Variants in ROBO2 observed in about 807,000 individuals in gnomAD.
ROBO2 encodes roundabout guidance receptor 2.
Under a neutral mutation model 160.8 loss-of-function variants are expected in ROBO2, and 53 were observed. The ratio of observed to expected loss-of-function variants is 0.33; its 90% CI spans 0.26 to 0.41. The LOEUF is 0.41. Among genes scored for constraint, ROBO2 ranks in the 10% least tolerant of loss-of-function variants. The pLI, the probability that ROBO2 is intolerant of heterozygous loss-of-function variation, is 1.00. For missense variants in ROBO2, 1,577 were observed against 1,722.4 expected (o/e 0.92, Z 1.49); for synonymous variants, 664 against 611.7 (o/e 1.09, Z -1.26).
At chr3:77,199,451 G>A (rs952947035) in intron 2 of ROBO2, among the ~76,000 whole-genome samples, 12 of 152,080 alleles carry the variant, frequency 7.9e-5, no homozygotes, top group African/African-American at 2.7e-4. Context: ...GCCACCACAA[G>A]CATATTCAGA....
intron 2 of ROBO2, among the ~76,000 whole-genome samples, chr3:76,150,725 C>G (rs1173551523): frequency 6.6e-6 from 1 of 152,178 alleles, no homozygotes. Flanking sequence ...CCCAATCACA[C>G]TCTGATCTTT....
At chr3:76,235,988 A>G (rs1007624653) in intron 2 of ROBO2, among the ~76,000 whole-genome samples, 3 of 152,156 alleles carry the variant, frequency 2.0e-5, no homozygotes, top group African/African-American at 7.2e-5. Context: ...TGGATTGGTA[A>G]TTTCATATGT....
intron 2 of ROBO2, among the ~76,000 whole-genome samples, chr3:76,266,985 TA>T (rs1327505322): frequency 2.6e-5 from 4 of 152,178 alleles, no homozygotes; most frequent in Non-Finnish European, 5.9e-5. Context: ...TAAATTGAAA[TA>T]TTTTTAATTG....
rs1036584506 is a variant in ROBO2 at position 77,075,344 on chromosome 3, G to A, written c.62-22670G>A. On this transcript the variant is annotated intron_variant, in intron 1 of 25. Coordinates refer to ENST00000461745, the Ensembl canonical transcript of ROBO2. ...ATGAATTTCAGTCATTGAGGCAATT[G>A]GGAACTTCAGTAAGATTTTAATTTG... Among the ~76,000 whole-genome samples the A allele has an allele frequency of 2.6e-5, 4 of 152,082 alleles. No individual in the cohort carries two copies. In the South Asian group the frequency reaches 8.3e-4, roughly 32 times the overall value.
At position 76,877,815 on chromosome 3, in the gene ROBO2, A is replaced by C. The variant is rs531487547; in HGVS notation, c.110-220199A>C. Among the ~76,000 whole-genome samples, 26 of 152,312 alleles carry C rather than the reference A, an allele frequency of 1.7e-4. No individual in the cohort carries two copies. In the South Asian group the frequency reaches 3.3e-3, roughly 19 times the overall value. ...GTGATTAGGGCTCTCTGGCTTGCAC[A>C]GTTACCTTCCTGCTGTTTGCTCACA... On this transcript the variant is annotated intron_variant, in intron 2 of 26. Coordinates refer to the ROBO2 transcript ENST00000487694.
intron 2 of ROBO2, among the ~76,000 whole-genome samples, chr3:75,990,594 A>G (rs1312034495): frequency 1.3e-5 from 2 of 152,208 alleles, no homozygotes; most frequent in African/African-American, 4.8e-5. Flanking sequence ...TTTGTAGTCC[A>G]TTGCTAAAAT....
intron 2 of ROBO2, among the ~76,000 whole-genome samples, chr3:77,339,006 G>C (rs969013743): frequency 7.2e-5 from 11 of 152,016 alleles, no homozygotes; most frequent in Admixed American, 5.9e-4. Context: ...TATTAGAGGA[G>C]TATTATGATA....
chr3:76,732,988 T>TGGG (rs2093658904), intron 2 of ROBO2, among the ~76,000 whole-genome samples: 1 of 84,954 alleles, frequency 1.2e-5, no homozygotes, highest in South Asian at 4.0e-4. Flanking sequence ...TTCAGTTGAC[T>TGGG]GGGGGTGGGG....
Position 76,203,800 on chromosome 3 carries a change from G to A in ROBO2, c.109+266198G>A, listed in dbSNP as rs909025906. On this transcript the variant is annotated intron_variant, in intron 2 of 26. Transcript: ENST00000487694. The stretch of plus-strand genomic sequence containing the variant: ...TTCCCGGTCAACAGATCACAGGTCA[G>A]GGTTCTAGTAATCTGAGTCAGATTG... 2.1e-5 allele frequency among the ~76,000 whole-genome samples: 3 copies of A among 145,130 alleles called. No individual in the cohort carries two copies. The East Asian group carries it at 6.2e-4, about 30-fold the overall frequency.
At chr3:76,743,619 GA>G (rs1300066748) in intron 2 of ROBO2, among the ~76,000 whole-genome samples, 1 of 151,914 alleles carries the variant, frequency 6.6e-6, no homozygotes, top group Non-Finnish European at 1.5e-5. Context: ...ATGATTTAAT[GA>G]AAAAATACAT....
At chr3:77,571,648 A>T (rs1218077360) in intron 13 of ROBO2, among the ~76,000 whole-genome samples, 1 of 152,006 alleles carries the variant, frequency 6.6e-6, no homozygotes, top group Non-Finnish European at 1.5e-5. Flanking sequence ...ATACTATTTT[A>T]AAAAAATATA....
At chr3:77,400,441 C>A (rs1477655429) in intron 2 of ROBO2, among the ~76,000 whole-genome samples, 1 of 152,020 alleles carries the variant, frequency 6.6e-6, no homozygotes, top group Non-Finnish European at 1.5e-5. Context: ...TTTTGGGGGG[C>A]CTTTTAAAGT....
At chr3:76,106,607 C>G (rs539540393) in intron 2 of ROBO2, among the ~76,000 whole-genome samples, 1 of 151,850 alleles carries the variant, frequency 6.6e-6, no homozygotes, top group Non-Finnish European at 1.5e-5. Flanking sequence ...TCCATGGCCT[C>G]AAATAATACT....
intron 2 of ROBO2, among the ~76,000 whole-genome samples, chr3:76,828,824 C>T (rs2066809002): frequency 6.6e-6 from 1 of 152,016 alleles, no homozygotes; most frequent in South Asian, 2.1e-4. Flanking sequence ...ATCAACCTGA[C>T]ATAGCCATCT....
chr3:76,967,898 G>A (rs184429261), intron 2 of ROBO2, among the ~76,000 whole-genome samples: 5 of 152,068 alleles, frequency 3.3e-5, no homozygotes, highest in South Asian at 2.1e-4. Flanking sequence ...GCTTATCTCC[G>A]TTTTAGATAC....
chr3:77,526,404 A>C (rs1207511884), intron 6 of ROBO2, among the ~76,000 whole-genome samples: 1 of 151,564 alleles, frequency 6.6e-6, no homozygotes, highest in Admixed American at 6.6e-5. Context: ...AGCTGTATCT[A>C]CTAAGGTATG....
chr3:77,351,302 T>C (rs1221609790), intron 2 of ROBO2, among the ~76,000 whole-genome samples: 1 of 152,170 alleles, frequency 6.6e-6, no homozygotes, highest in Non-Finnish European at 1.5e-5. Context: ...TAAGAACACC[T>C]GAATTTAAGT....
chr3:76,338,269 T>C (rs1437179015), intron 2 of ROBO2, among the ~76,000 whole-genome samples: 1 of 152,206 alleles, frequency 6.6e-6, no homozygotes, highest in Non-Finnish European at 1.5e-5. Flanking sequence ...CTGACCTGAA[T>C]ATCTTTCTAT....
At chr3:76,622,705 C>T (rs1026075595) in intron 2 of ROBO2, among the ~76,000 whole-genome samples, 3 of 152,172 alleles carry the variant, frequency 2.0e-5, no homozygotes, top group Non-Finnish European at 4.4e-5. Flanking sequence ...TGTTCTCTTT[C>T]CAAACCTCTG....
Sources: allele counts gnomAD v4.1 joint callset (sites outside exome capture counted in the v4.1 genomes callset), GRCh38; gene constraint gnomAD v4.1.1; transcripts MANE v1.5; gene names NCBI Gene and HGNC (gene_info 2026-07-23, HGNC 2026-07-21).